Variants in RYR2 observed in about 807,000 individuals in gnomAD.
The protein encoded by RYR2 is ryanodine receptor 2, also known as cardiac muscle ryanodine receptor-calcium release channel.
In RYR2, 227 loss-of-function variants were observed where a neutral mutation model predicts 601.1. The observed-to-expected ratio is 0.38, with a 90% CI of 0.34 to 0.42. The LOEUF is 0.42. Among genes scored for constraint, RYR2 ranks in the 10% least tolerant of loss-of-function variants. The pLI, the probability that RYR2 is intolerant of heterozygous loss-of-function variation, is 1.00. For synonymous variants in RYR2, 2,223 were observed against 2,175.1 expected, an observed-to-expected ratio of 1.02 and a Z score of -0.61; for missense variants, 4,646 against 6,156.5, an observed-to-expected ratio of 0.75 and a Z score of 8.21.
intron 82 of RYR2, among the ~76,000 whole-genome samples, chr1:237,758,107 G>A (rs2149267414): frequency 6.6e-6 from 1 of 152,258 alleles, no homozygotes; most frequent in Non-Finnish European, 1.5e-5. Context: ...GGGGTAACCA[G>A]CTCGTTCTGT....
intron 80 of RYR2, among the ~76,000 whole-genome samples, chr1:237,748,908 C>G (rs1692306080): frequency 6.6e-6 from 1 of 152,204 alleles, no homozygotes; most frequent in Non-Finnish European, 1.5e-5. Context: ...AGAACAACTA[C>G]TTACATAACA....
At chr1:237,625,201 T>A (rs542280152) in intron 39 of RYR2, among the ~76,000 whole-genome samples, 1 of 152,278 alleles carries the variant, frequency 6.6e-6, no homozygotes, top group East Asian at 1.9e-4. Flanking sequence ...TTAGGGTACC[T>A]AATTATGCCT....
intron 41 of RYR2, among the ~76,000 whole-genome samples, chr1:237,629,813 G>A (rs1403355066): frequency 6.6e-6 from 1 of 152,066 alleles, no homozygotes; most frequent in African/African-American, 2.4e-5. Context: ...ATTGCATATT[G>A]CTCATGGACC....
At chr1:237,539,824 C>G (rs1669060326) in intron 25 of RYR2, among the ~76,000 whole-genome samples, 1 of 152,148 alleles carries the variant, frequency 6.6e-6, no homozygotes, top group Admixed American at 6.5e-5. Flanking sequence ...ACATCCTGCA[C>G]ATTTACCCCA....
Position 237,789,004 on chromosome 1 carries a change from A to G in RYR2, c.13476+869A>G, listed in dbSNP as rs551822772. Among the ~76,000 whole-genome samples the G allele has an allele frequency of 1.5e-4, 22 of 151,590 alleles. No homozygotes were observed. The South Asian group carries it at 3.5e-3, about 24-fold the overall frequency. ...ATGTGTATATATGTATAATTTTTAT[A>G]ATTATATGTGTATATATGTATAATT... On this transcript the variant is annotated intron_variant, in intron 92 of 104. Transcript: ENST00000366574.
chr1:237,263,585 TA>T (rs1346652788), intron 1 of RYR2, among the ~76,000 whole-genome samples: 1 of 152,210 alleles, frequency 6.6e-6, no homozygotes, highest in Admixed American at 6.5e-5. Flanking sequence ...AGATACTAAA[TA>T]AAATGCGTAG....
At chr1:237,822,785 A>G (rs1042453855) in intron 101 of RYR2, among the ~76,000 whole-genome samples, 2 of 152,232 alleles carry the variant, frequency 1.3e-5, no homozygotes, top group Non-Finnish European at 2.9e-5. Flanking sequence ...CAGGAGACCC[A>G]TCTCATGTGC....
chr1:237,800,419 G>GA (rs543814761), intron 97 of RYR2, among the ~76,000 whole-genome samples: 12 of 150,128 alleles, frequency 8.0e-5, no homozygotes, highest in South Asian at 6.4e-4. Flanking sequence ...TTTATTTAAG[G>GA]AAAAAAAAAT....
chr1:237,162,232 G>A (rs569468679), intron 1 of RYR2, among the ~76,000 whole-genome samples: 6 of 152,180 alleles, frequency 3.9e-5, no homozygotes, highest in Admixed American at 3.9e-4. Flanking sequence ...CAACAGATTG[G>A]CCACCTTACT....
intron 1 of RYR2, among the ~76,000 whole-genome samples, chr1:237,044,235 A>G (rs1186480047): frequency 1.3e-5 from 2 of 152,020 alleles, no homozygotes; most frequent in African/African-American, 2.4e-5. Context: ...TCTCAAAACT[A>G]AGGACTATTT....
chr1:237,828,517 T>C, intron 102 of RYR2, 72 bp downstream of exon 102: 1 of 987,460 alleles, frequency 1.0e-6, no homozygotes, highest in Non-Finnish European at 1.5e-6. Flanking sequence ...CCTTTATCAA[T>C]AGAATCATGA....
In RYR2 at chr1:237,784,099, C is replaced by T. The variant is rs1238580758; in HGVS notation, c.12387C>T (p.Phe4129=). ...LELAESVLNY[F]QPFLGRIEIM... ...TAGCAGAGAGCGTCCTGAATTATTTCCAGCCCTTTCTGGGCCGCATCGAAA... is the reference window on the plus strand; with the variant it reads ...TAGCAGAGAGCGTCCTGAATTATTTTCAGCCCTTTCTGGGCCGCATCGAAA... The change falls in exon 90 of 105, where the codon TTC becomes TTT. Residue 4129 remains phenylalanine (F), a synonymous_variant. Coordinates refer to ENST00000366574, the MANE Select transcript of RYR2 (RefSeq NM_001035.3). This position sits in a 1 kb window ranked among gnomAD's most constrained non-coding sequence, Gnocchi z 7.1. 6.2e-7 allele frequency: 1 copy of T among 1,613,890 alleles called. No individual in the cohort carries two copies. Among genetic ancestry groups the T allele is most frequent in the Non-Finnish European group, 8.5e-7 (1 of 1,179,908 alleles).
At chr1:237,185,632 T>G (rs186101056) in intron 1 of RYR2, among the ~76,000 whole-genome samples, 1 of 152,222 alleles carries the variant, frequency 6.6e-6, no homozygotes, top group Admixed American at 6.5e-5. Flanking sequence ...ACACAGAGGA[T>G]AAGATTCCCT....
intron 17 of RYR2, among the ~76,000 whole-genome samples, chr1:237,488,406 G>T (rs564173704): frequency 4.1e-4 from 62 of 152,132 alleles, no homozygotes; most frequent in Non-Finnish European, 7.6e-4. Context: ...TCACATGGTG[G>T]AAGGGACAGC....
intron 3 of RYR2, among the ~76,000 whole-genome samples, chr1:237,343,412 C>T (rs976025976): frequency 5.9e-5 from 9 of 152,152 alleles, no homozygotes; most frequent in Admixed American, 4.6e-4. Flanking sequence ...TGAGTAACCA[C>T]GTTCTAGATT....
At chr1:237,046,703 C>T (rs6678625) in intron 1 of RYR2, among the ~76,000 whole-genome samples, 22,699 of 152,162 alleles carry the variant, frequency 0.15, 2,031 homozygotes, top group South Asian at 0.31. Flanking sequence ...GTTTTTATCA[C>T]GGCTGAATTA....
At chr1:237,121,449 T>A (rs911288406) in intron 1 of RYR2, among the ~76,000 whole-genome samples, 1 of 152,192 alleles carries the variant, frequency 6.6e-6, no homozygotes, top group African/African-American at 2.4e-5. Flanking sequence ...ACAGTAAAAA[T>A]GTATTTGCAA....
chr1:237,601,616 A>C (rs556423770), intron 34 of RYR2, among the ~76,000 whole-genome samples: 1 of 152,286 alleles, frequency 6.6e-6, no homozygotes, highest in African/African-American at 2.4e-5. Context: ...GAAATGAAAA[A>C]TGTTCAAAGT....
chr1:237,186,074 G>A (rs1449058711), intron 1 of RYR2, among the ~76,000 whole-genome samples: 1 of 152,180 alleles, frequency 6.6e-6, no homozygotes, highest in Non-Finnish European at 1.5e-5. Context: ...TACAACCTGG[G>A]AGCTGATTTT....
Sources: gnomAD v4.1 joint callset for allele counts (sites outside exome capture counted in the v4.1 genomes callset) on GRCh38, gnomAD v4.1.1 for gene constraint, Gnocchi (gnomAD v3.1) non-coding constraint, MANE v1.5 for transcripts, NCBI Gene and HGNC (gene_info 2026-07-23, HGNC 2026-07-21) for gene names.